NEO1: variants seen among roughly 807,000 people sequenced by gnomAD.
NEO1 encodes the protein neogenin.
Under a neutral mutation model 159.7 loss-of-function variants are expected in NEO1, and 63 were observed. The ratio of observed to expected loss-of-function variants is 0.39; its 90% confidence interval spans 0.32 to 0.49. The LOEUF is 0.49. Among genes scored for constraint, NEO1 ranks in the 20% least tolerant of loss-of-function variants. The probability of loss-of-function intolerance (pLI) is 0.85; values close to 1 mark genes in which losing one functional copy is unlikely to be tolerated. For missense variants in NEO1, 1,615 were observed against 1,831.0 expected, an observed-to-expected ratio of 0.88 and a Z score of 2.15; for synonymous variants, 633 against 662.0, an observed-to-expected ratio of 0.96 and a Z score of 0.67.
intron 25 of NEO1, among the ~76,000 whole-genome samples, chr15:73,292,042 G>A (rs957197982): frequency 3.9e-5 from 6 of 151,996 alleles, no homozygotes; most frequent in African/African-American, 1.2e-4. Flanking sequence ...TTTTATTCCC[G>A]GGCACAACCT....
At chr15:73,079,163 C>T (rs1238862693) in intron 1 of NEO1, among the ~76,000 whole-genome samples, 4 of 152,152 alleles carry the variant, frequency 2.6e-5, no homozygotes, top group African/African-American at 9.7e-5. Context: ...TGGTTGTTTA[C>T]TGCCCCACAT....
Position 73,260,289 on chromosome 15 carries a change from T to C in NEO1, c.2222T>C (p.Val741Ala), listed in dbSNP as rs766924984. 1 of 1,611,414 alleles carries C rather than the reference T, an allele frequency of 6.2e-7. No homozygotes were observed. Among genetic ancestry groups the C allele is most frequent in the Non-Finnish European group, 8.5e-7 (1 of 1,178,640 alleles). Residue 741 changes from valine (V) to alanine (A), a missense_variant, in exon 15 of 29, where the codon GTG becomes GCG. This residue lies in a region of NEO1 where 1,018 missense variants were observed against 1,115.4 expected (regional missense o/e 0.91). Coordinates refer to ENST00000261908, the MANE Select transcript of NEO1 (RefSeq NM_002499.4). ...TTCCCAGAAACTCGTGTTCCTGAAGTGCCTAGCTCTCTTCACGTACGCCCG... is the reference window on the plus strand; with the variant it reads ...TTCCCAGAAACTCGTGTTCCTGAAGCGCCTAGCTCTCTTCACGTACGCCCG... Reference protein sequence around the residue: ...SDLDETRVPEVPSSLHVRPLV... With the variant: ...SDLDETRVPEAPSSLHVRPLV...
At chr15:73,289,302 A>G (rs2042072744) in intron 25 of NEO1, 64 bp downstream of exon 25, 7 of 1,345,866 alleles carry the variant, frequency 5.2e-6, no homozygotes, top group South Asian at 2.4e-5. Context: ...GGGAACAACT[A>G]TGAATGATCT....
chr15:73,055,844 A>G (rs1402704853), intron 1 of NEO1, among the ~76,000 whole-genome samples: 1 of 152,188 alleles, frequency 6.6e-6, no homozygotes, highest in African/African-American at 2.4e-5. Context: ...GCTGAGATCA[A>G]GAAGACCTCC....
intron 5 of NEO1, among the ~76,000 whole-genome samples, chr15:73,154,012 CTG>C (rs2033583201): frequency 2.0e-5 from 3 of 152,172 alleles, no homozygotes; most frequent in African/African-American, 7.2e-5. Context: ...ATAATTTATA[CTG>C]TGTCACATTT....
At chr15:73,295,147 A>ATATATATATATATATATATATAT (rs1238740275) in intron 26 of NEO1, among the ~76,000 whole-genome samples, 14 of 100,558 alleles carry the variant, frequency 1.4e-4, no homozygotes, top group Admixed American at 2.2e-4. Context: ...TATATATGTA[A>ATATATATATATATATATATATAT]AAATTTGGCC....
At chr15:73,302,128 C>CT (rs1190363523) in intron 28 of NEO1, among the ~76,000 whole-genome samples, 1 of 152,216 alleles carries the variant, frequency 6.6e-6, no homozygotes, top group Non-Finnish European at 1.5e-5. Flanking sequence ...ACTCTGTGAC[C>CT]TTTCCTGAGC....
chr15:73,172,382 A>T (rs1215764090), intron 5 of NEO1, among the ~76,000 whole-genome samples: 1 of 152,204 alleles, frequency 6.6e-6, no homozygotes, highest in Non-Finnish European at 1.5e-5. Context: ...CTAAATGGTT[A>T]TAAGTGGAAA....
chr15:73,264,425 T>G (rs1353847361), intron 15 of NEO1, among the ~76,000 whole-genome samples: 1 of 152,170 alleles, frequency 6.6e-6, no homozygotes, highest in Non-Finnish European at 1.5e-5. Context: ...AAGAAACCCC[T>G]GAGCTTGAAA....
intron 5 of NEO1, among the ~76,000 whole-genome samples, chr15:73,163,117 T>C (rs901392206): frequency 2.0e-5 from 3 of 152,254 alleles, no homozygotes; most frequent in Admixed American, 6.5e-5. Flanking sequence ...ATCTATTTTA[T>C]TGTTTTTGTA....
At chr15:73,163,573 A>G (rs1390810562) in intron 5 of NEO1, among the ~76,000 whole-genome samples, 1 of 152,158 alleles carries the variant, frequency 6.6e-6, no homozygotes, top group East Asian at 1.9e-4. Flanking sequence ...GTTTGTACCT[A>G]CAGGACTATA....
rs770312491 is a variant in NEO1, at chr15:73,116,805, T to C, written c.396T>C (p.Thr132=). The C allele has an allele frequency of 2.4e-5, 38 of 1,610,344 alleles. 1 individual carries two copies. Among genetic ancestry groups the C allele is most frequent in the Middle Eastern group, 3.3e-4 (2 of 6,070 alleles). Residue 132 remains threonine, a synonymous_variant, in exon 2 of 29, where the codon ACT becomes ACC. Coordinates refer to ENST00000261908, the MANE Select transcript of NEO1 (RefSeq NM_002499.4). ...PDEGYYQCVA[T]VESLGTIISR... Reference sequence around the variant, plus strand: ...AAGGTTATTATCAGTGTGTGGCCACTGTTGAGAGTCTTGGAACTATTATCA... The same window carrying C: ...AAGGTTATTATCAGTGTGTGGCCACCGTTGAGAGTCTTGGAACTATTATCA...
chr15:73,262,372 A>G (rs2040658607), intron 15 of NEO1, among the ~76,000 whole-genome samples: 1 of 152,232 alleles, frequency 6.6e-6, no homozygotes, highest in African/African-American at 2.4e-5. Flanking sequence ...CTGACAAAGA[A>G]TTTGAGTCCA....
intron 2 of NEO1, among the ~76,000 whole-genome samples, chr15:73,117,741 T>C (rs2071406423): frequency 6.6e-6 from 1 of 152,146 alleles, no homozygotes; most frequent in Non-Finnish European, 1.5e-5. Context: ...TGGGGACAAA[T>C]ACTCAAAGTT....
intron 23 of NEO1, among the ~76,000 whole-genome samples, chr15:73,286,835 A>T (rs1361348435): frequency 1.3e-5 from 2 of 152,134 alleles, no homozygotes; most frequent in African/African-American, 2.4e-5. Flanking sequence ...CCTCCTGAAT[A>T]ACTTTCAAAT....
At chr15:73,256,222 A>C (rs2040341160) in intron 13 of NEO1, 1 of 152,222 alleles carries the variant, frequency 6.6e-6, no homozygotes, top group Non-Finnish European at 1.5e-5. Context: ...TTTTCCAGCC[A>C]GGTGCAGTGG....
intron 5 of NEO1, among the ~76,000 whole-genome samples, chr15:73,150,289 C>T (rs1309844583): frequency 6.6e-6 from 1 of 152,050 alleles, no homozygotes; most frequent in African/African-American, 2.4e-5. Flanking sequence ...TTTCAGAATA[C>T]AGTGCTTTTC....
At chr15:73,121,845 A>G (rs939048565) in intron 2 of NEO1, among the ~76,000 whole-genome samples, 3 of 152,002 alleles carry the variant, frequency 2.0e-5, no homozygotes, top group South Asian at 2.1e-4. Context: ...TGATATGTCC[A>G]CATTGTTCTT....
chr15:73,117,399 G>A (rs1261988266), intron 2 of NEO1, among the ~76,000 whole-genome samples: 1 of 151,900 alleles, frequency 6.6e-6, no homozygotes, highest in East Asian at 1.9e-4. Context: ...GATGGAAAGT[G>A]TAAGAAAAAT....
Sources: allele counts gnomAD v4.1 joint callset (sites outside exome capture counted in the v4.1 genomes callset), GRCh38; gene constraint gnomAD v4.1.1; regional missense constraint gnomAD v4.1.1; transcripts MANE v1.5; gene names NCBI Gene and HGNC (gene_info 2026-07-23, HGNC 2026-07-21).